SLC6A6: variants seen among roughly 807,000 people sequenced by gnomAD.
The protein encoded by SLC6A6 is sodium- and chloride-dependent taurine transporter.
Under a neutral mutation model 68.8 loss-of-function variants are expected in SLC6A6, and 16 were observed. The observed-to-expected ratio is 0.23, with a 90% CI of 0.16 to 0.35. SLC6A6 has a LOEUF of 0.35. Among genes scored for constraint, SLC6A6 ranks in the 10% least tolerant of loss-of-function variants. The pLI, the probability that SLC6A6 is intolerant of heterozygous loss-of-function variation, is 1.00. For synonymous variants in SLC6A6, 312 were observed against 315.4 expected, an observed-to-expected ratio of 0.99 and a Z score of 0.12; for missense variants, 474 against 802.8, an observed-to-expected ratio of 0.59 and a Z score of 4.95.
Position 14,410,047 on chromosome 3 carries a change from G to A in SLC6A6, c.-53-6365G>A, listed in dbSNP as rs150641615. Among the ~76,000 whole-genome samples, 816 of 152,148 alleles carry A rather than the reference G, an allele frequency of 5.4e-3. 7 individuals are homozygous for A. Among genetic ancestry groups the A allele is most frequent in the Non-Finnish European group, 7.7e-3 (521 of 67,988 alleles). Reference sequence around the variant, plus strand: ...CTAAAAATACAAAAATTAGTCAGGTGCAGTGGTGGGCACCTGTAATCCCAG... The same window carrying A: ...CTAAAAATACAAAAATTAGTCAGGTACAGTGGTGGGCACCTGTAATCCCAG... On this transcript the variant is annotated intron_variant, in intron 1 of 14. Coordinates refer to ENST00000622186, the MANE Select transcript of SLC6A6 (RefSeq NM_003043.6).
intron 2 of SLC6A6, among the ~76,000 whole-genome samples, chr3:14,443,078 C>T (rs1034507051): frequency 1.3e-5 from 2 of 152,162 alleles, no homozygotes; most frequent in African/African-American, 2.4e-5. Context: ...CGTTCGTTTC[C>T]GTCTATCTGT....
chr3:14,475,825 AAAAAAGC>A (rs1341114378), intron 10 of SLC6A6, among the ~76,000 whole-genome samples: 1 of 152,212 alleles, frequency 6.6e-6, no homozygotes, highest in Non-Finnish European at 1.5e-5. Flanking sequence ...GTCAGAGGTC[AAAAAAGC>A]AGCCTCTTCT....
intron 2 of SLC6A6, among the ~76,000 whole-genome samples, chr3:14,440,611 T>C (rs142057868): frequency 8.4e-4 from 128 of 152,098 alleles, no homozygotes; most frequent in African/African-American, 3.0e-3. Context: ...GCATTGAGAA[T>C]AGATCAGGGG....
At chr3:14,445,319 G>A (rs1270054609) in intron 3 of SLC6A6, among the ~76,000 whole-genome samples, 1 of 152,038 alleles carries the variant, frequency 6.6e-6, no homozygotes, top group Non-Finnish European at 1.5e-5. Context: ...TACTCGGGAG[G>A]CTGAGGCAGG....
intron 2 of SLC6A6, among the ~76,000 whole-genome samples, chr3:14,432,515 G>C (rs1398611336): frequency 6.6e-6 from 1 of 152,204 alleles, no homozygotes; most frequent in Non-Finnish European, 1.5e-5. Context: ...CCTGGGCCAT[G>C]GGGGAAGGAG....
intron 2 of SLC6A6, among the ~76,000 whole-genome samples, chr3:14,435,758 G>A (rs1699838205): frequency 6.6e-6 from 1 of 152,210 alleles, no homozygotes; most frequent in South Asian, 2.1e-4. Flanking sequence ...TGACCCAGGT[G>A]GTGGTTTAGA....
intron 2 of SLC6A6, among the ~76,000 whole-genome samples, chr3:14,425,110 T>C (rs1265581725): frequency 6.6e-6 from 1 of 152,174 alleles, no homozygotes; most frequent in African/African-American, 2.4e-5. Flanking sequence ...GCACAGAGTA[T>C]CCTGTTTCTC....
chr3:14,406,214 T>C (rs1394680345), intron 1 of SLC6A6, among the ~76,000 whole-genome samples: 10 of 152,142 alleles, frequency 6.6e-5, no homozygotes, highest in African/African-American at 2.2e-4. Flanking sequence ...GGTCTTACTA[T>C]GTTGCCCAGG....
At chr3:14,417,542 T>C (rs1237625423) in intron 2 of SLC6A6, among the ~76,000 whole-genome samples, 1 of 152,052 alleles carries the variant, frequency 6.6e-6, no homozygotes, top group Non-Finnish European at 1.5e-5. Context: ...CCATCCTGGC[T>C]AACACGGTGA....
intron 3 of SLC6A6, chr3:14,444,950 T>A: frequency 2.3e-6 from 1 of 431,042 alleles, no homozygotes; most frequent in Non-Finnish European, 4.7e-6. Context: ...CTCTGCCCCT[T>A]ACCACCTCAC....
intron 5 of SLC6A6, among the ~76,000 whole-genome samples, chr3:14,456,780 G>A (rs1700376911): frequency 6.6e-6 from 1 of 152,202 alleles, no homozygotes; most frequent in Non-Finnish European, 1.5e-5. Flanking sequence ...TCCTGCATGG[G>A]AGTGTGACCT....
intron 1 of SLC6A6, among the ~76,000 whole-genome samples, chr3:14,403,807 C>T (rs1178956809): frequency 2.6e-5 from 4 of 152,234 alleles, no homozygotes; most frequent in East Asian, 1.9e-4. Context: ...ATTCCAGGGA[C>T]CTCCTCCTAC....
intron 2 of SLC6A6, among the ~76,000 whole-genome samples, chr3:14,422,014 G>A (rs1253318858): frequency 1.3e-5 from 2 of 152,156 alleles, no homozygotes; most frequent in Admixed American, 6.5e-5. Context: ...GGCTTTTTCA[G>A]AAATGGACAG....
chr3:14,461,499 G>T (rs1700493653), intron 6 of SLC6A6, among the ~76,000 whole-genome samples: 1 of 152,190 alleles, frequency 6.6e-6, no homozygotes, highest in African/African-American at 2.4e-5. Context: ...TCTGGGAAGG[G>T]GGCAGAGATC....
intron 2 of SLC6A6, among the ~76,000 whole-genome samples, chr3:14,422,892 C>T (rs1189112752): frequency 6.6e-6 from 1 of 152,212 alleles, no homozygotes; most frequent in Non-Finnish European, 1.5e-5. Context: ...GCTAGTCTCA[C>T]AGCCCCTCAA....
intron 2 of SLC6A6, among the ~76,000 whole-genome samples, chr3:14,427,573 G>A (rs941522678): frequency 2.0e-5 from 3 of 152,178 alleles, no homozygotes; most frequent in East Asian, 1.9e-4. Context: ...GGTCCCCGGT[G>A]CCCAAGGACC....
Position 14,472,365 on chromosome 3 carries a change from G to A in SLC6A6, c.1209+48G>A. 8.5e-7 allele frequency: 1 copy of A among 1,180,534 alleles called. No individual in the cohort carries two copies. The allele number at this position is 1,180,534 out of a possible 1,614,324, so 73.1% of individuals were successfully genotyped here. ...GGGCGACTGCCCCTGTGGGGAACCT[G>A]ACTCTGGGAAAGACTCCTTATTCCA... On this transcript the variant is annotated intron_variant, in intron 10 of 14. Coordinates refer to ENST00000622186, the MANE Select transcript of SLC6A6 (RefSeq NM_003043.6). This position sits in a 1 kb window ranked among gnomAD's most constrained non-coding sequence, Gnocchi z 4.5.
At chr3:14,460,886 A>T (rs897996788) in intron 6 of SLC6A6, among the ~76,000 whole-genome samples, 1 of 152,214 alleles carries the variant, frequency 6.6e-6, no homozygotes, top group Admixed American at 6.5e-5. Context: ...CTCGCTGGCC[A>T]TGGCTTCCAG....
At position 14,472,425 on chromosome 3, in the gene SLC6A6, T is replaced by G. The variant is rs1222703754; in HGVS notation, c.1209+108T>G. ...TGGTCAACCCCCTTCCCCCCTCCAG[T>G]CAGACTTCCAGTGCTTCAGCTGTGA... On this transcript the variant is annotated intron_variant, in intron 10 of 14. Coordinates refer to ENST00000622186, the MANE Select transcript of SLC6A6 (RefSeq NM_003043.6). The surrounding 1 kb of genome is among the most constrained non-coding windows in gnomAD (Gnocchi z 4.5). 1 of 711,458 alleles carries G rather than the reference T, an allele frequency of 1.4e-6. No homozygotes were observed. The highest frequency in any genetic ancestry group is 2.5e-6 in the Non-Finnish European group (1 of 398,162). 44.1% of individuals were successfully genotyped at this position (711,458 alleles called of 1,614,324 possible).
Sources: gnomAD v4.1 joint callset for allele counts (sites outside exome capture counted in the v4.1 genomes callset) on GRCh38, gnomAD v4.1.1 for gene constraint, Gnocchi (gnomAD v3.1) non-coding constraint, MANE v1.5 for transcripts, NCBI Gene and HGNC (gene_info 2026-07-23, HGNC 2026-07-21) for gene names.